Variants in EFCAB11 observed in about 807,000 individuals in gnomAD.
EFCAB11 encodes EF-hand calcium binding domain 11.
A neutral mutation model predicts 23.0 loss-of-function variants in EFCAB11; 14 were observed. The observed-to-expected ratio is 0.61, with a 90% CI of 0.40 to 0.95. The LOEUF is 0.95. Among genes scored for constraint, EFCAB11 ranks in the 40% least tolerant of loss-of-function variants. EFCAB11 has a pLI of 0.00. For missense variants in EFCAB11, 198 were observed against 195.8 expected (o/e 1.01, Z -0.07); for synonymous variants, 65 against 66.6 (o/e 0.98, Z 0.11).
chr14:89,899,807 G>C (rs1313782193), intron 5 of EFCAB11, among the ~76,000 whole-genome samples: 4 of 152,110 alleles, frequency 2.6e-5, no homozygotes, highest in Non-Finnish European at 4.4e-5. Flanking sequence ...GCAAAAACTA[G>C]AGTTCAGTAA....
intron 5 of EFCAB11, among the ~76,000 whole-genome samples, chr14:89,859,158 T>C (rs1273063541): frequency 3.9e-5 from 6 of 152,208 alleles, no homozygotes; most frequent in Non-Finnish European, 5.9e-5. Flanking sequence ...GCTCTGAATT[T>C]TATCAGATCT....
At chr14:89,856,827 G>A (rs1344162637) in intron 5 of EFCAB11, among the ~76,000 whole-genome samples, 4 of 152,126 alleles carry the variant, frequency 2.6e-5, no homozygotes, top group South Asian at 4.1e-4. Context: ...ATCAATTTTA[G>A]ATATTAACCT....
At position 89,794,994 on chromosome 14, in the gene EFCAB11, T is replaced by C. The variant is rs1459211311; in HGVS notation, c.*2249A>G. On this transcript the variant is annotated 3_prime_UTR_variant, in exon 6 of 6. Coordinates refer to ENST00000316738, the MANE Select transcript of EFCAB11 (RefSeq NM_145231.4). ...TTTTTTTTTTTTTTTTTTTTTTTTTTTGAGAGGGAGTCTCGCTCTGTTGCC... is the reference window on the plus strand; with the variant it reads ...TTTTTTTTTTTTTTTTTTTTTTTTTCTGAGAGGGAGTCTCGCTCTGTTGCC... 1.8e-5 allele frequency: 2 copies of C among 108,686 alleles called. No individual in the cohort carries two copies. The highest frequency in any genetic ancestry group is 7.3e-4 in the East Asian group (2 of 2,738). 6.7% of individuals were successfully genotyped at this position (108,686 alleles called of 1,614,324 possible). A position where few individuals can be genotyped will look rare whatever the true frequency, so the allele number is the denominator to read the frequency against.
At chr14:89,810,458 T>C (rs1259852829) in intron 5 of EFCAB11, among the ~76,000 whole-genome samples, 2 of 152,216 alleles carry the variant, frequency 1.3e-5, no homozygotes, top group Non-Finnish European at 2.9e-5. Flanking sequence ...TTGTTGGACT[T>C]TGGAGCCAAT....
intron 5 of EFCAB11, among the ~76,000 whole-genome samples, chr14:89,818,907 T>C (rs1167024932): frequency 6.6e-6 from 1 of 152,196 alleles, no homozygotes; most frequent in Non-Finnish European, 1.5e-5. Context: ...GGAATTCTCA[T>C]TCACTGCTGG....
At chr14:89,801,245 A>T (rs1885770569) in intron 5 of EFCAB11, among the ~76,000 whole-genome samples, 1 of 152,136 alleles carries the variant, frequency 6.6e-6, no homozygotes, top group South Asian at 2.1e-4. Context: ...ATGTACTTCC[A>T]AACTGTTTGT....
At chr14:89,917,848 T>C (rs1291433365) in intron 5 of EFCAB11, among the ~76,000 whole-genome samples, 1 of 152,192 alleles carries the variant, frequency 6.6e-6, no homozygotes, top group African/African-American at 2.4e-5. Context: ...GAAATGCCGT[T>C]GATGTGGAGA....
intron 5 of EFCAB11, among the ~76,000 whole-genome samples, chr14:89,884,241 A>G (rs1427257856): frequency 2.0e-5 from 3 of 152,226 alleles, no homozygotes; most frequent in Admixed American, 6.5e-5. Flanking sequence ...TATTTTTACT[A>G]TTGGTCTACT....
intron 5 of EFCAB11, among the ~76,000 whole-genome samples, chr14:89,893,380 T>C (rs1169764780): frequency 2.6e-5 from 4 of 152,092 alleles, no homozygotes; most frequent in African/African-American, 4.8e-5. Flanking sequence ...TGAACACGAA[T>C]GTGCAGCAAC....
At chr14:89,949,026 T>C (rs1039182400) in intron 3 of EFCAB11, among the ~76,000 whole-genome samples, 17 of 152,204 alleles carry the variant, frequency 1.1e-4, no homozygotes, top group Non-Finnish European at 2.4e-4. Flanking sequence ...CTTCATAGCA[T>C]GGATACCCCA....
chr14:89,834,375 CAAAAAAA>C (rs5810476), intron 5 of EFCAB11, among the ~76,000 whole-genome samples: 9 of 32,432 alleles, frequency 2.8e-4, no homozygotes, highest in Non-Finnish European at 5.7e-4. Flanking sequence ...GACTCCGTCT[CAAAAAAA>C]AAAAAAAAAA....
At chr14:89,863,292 G>A (rs891492668) in intron 5 of EFCAB11, among the ~76,000 whole-genome samples, 2 of 152,180 alleles carry the variant, frequency 1.3e-5, no homozygotes, top group Non-Finnish European at 2.9e-5. Context: ...TGATCTATAT[G>A]ACCAACTCCT....
intron 5 of EFCAB11, among the ~76,000 whole-genome samples, chr14:89,846,442 C>T (rs1887435308): frequency 6.6e-6 from 1 of 152,182 alleles, no homozygotes; most frequent in Admixed American, 6.5e-5. Flanking sequence ...AAGATGTAGT[C>T]TTACTAGTTG....
chr14:89,917,778 T>A (rs1220605074), intron 5 of EFCAB11, among the ~76,000 whole-genome samples: 2 of 152,222 alleles, frequency 1.3e-5, no homozygotes, highest in African/African-American at 2.4e-5. Flanking sequence ...TAATTGCGAA[T>A]TAGTTGTTTG....
intron 5 of EFCAB11, among the ~76,000 whole-genome samples, chr14:89,876,076 A>G (rs1243498979): frequency 6.6e-6 from 1 of 152,170 alleles, no homozygotes; most frequent in Non-Finnish European, 1.5e-5. Flanking sequence ...CAGCAAAATT[A>G]TTTCAGTGGA....
At position 89,797,297 on chromosome 14, in the gene EFCAB11, G is replaced by A. The variant is rs755203783; in HGVS notation, c.438C>T (p.His146=). The A allele has an allele frequency of 1.2e-5, 19 of 1,612,962 alleles. No homozygotes were observed. The African/African-American group carries it at 1.2e-4, about 10-fold the overall frequency. Residue 146 remains histidine, a synonymous_variant, in exon 6 of 6, where the codon CAC becomes CAT. Transcript: ENST00000316738. ...CATATTCAAAGTCTCTAAAGCTGAC[G>A]TGACCATCTGAATCTCGATCTACTT... ...FREVDRDSDG[H]VSFRDFEYAL... is the part of the protein sequence containing the mutation.
At chr14:89,825,540 G>T (rs1455881595) in intron 5 of EFCAB11, among the ~76,000 whole-genome samples, 1 of 152,046 alleles carries the variant, frequency 6.6e-6, no homozygotes, top group Non-Finnish European at 1.5e-5. Flanking sequence ...ACTAAAAGAT[G>T]CCTCTTTAAA....
chr14:89,867,296 G>T (rs748846737), intron 5 of EFCAB11, among the ~76,000 whole-genome samples: 1 of 152,232 alleles, frequency 6.6e-6, no homozygotes, highest in African/African-American at 2.4e-5. Flanking sequence ...ACTATCTGGC[G>T]TATTGGCAAC....
chr14:89,877,089 G>C (rs920569078), intron 5 of EFCAB11, among the ~76,000 whole-genome samples: 3 of 151,792 alleles, frequency 2.0e-5, no homozygotes, highest in African/African-American at 7.3e-5. Flanking sequence ...GCCCAGGCTA[G>C]AGTGCAGTGG....
Sources: allele counts gnomAD v4.1 joint callset (sites outside exome capture counted in the v4.1 genomes callset), GRCh38; gene constraint gnomAD v4.1.1; transcripts MANE v1.5; gene names NCBI Gene and HGNC (gene_info 2026-07-23, HGNC 2026-07-21).